CNTNAP2: variants seen among roughly 807,000 people sequenced by gnomAD.
The protein encoded by CNTNAP2 is contactin associated protein 2, also known as contactin-associated protein-like 2.
In CNTNAP2, 98 loss-of-function variants were observed where a neutral mutation model predicts 155.2. That is an observed-to-expected ratio of 0.63 (90% CI 0.54 to 0.75). The LOEUF is 0.75. Among genes scored for constraint, CNTNAP2 ranks in the 30% least tolerant of loss-of-function variants. CNTNAP2 has a pLI of 0.00. For synonymous variants in CNTNAP2, 651 were observed against 631.2 expected, an observed-to-expected ratio of 1.03 and a Z score of -0.47; for missense variants, 1,727 against 1,688.1, an observed-to-expected ratio of 1.02 and a Z score of -0.40.
chr7:148,145,330 T>A (rs1805157236), intron 16 of CNTNAP2, among the ~76,000 whole-genome samples: 1 of 152,130 alleles, frequency 6.6e-6, no homozygotes, highest in East Asian at 1.9e-4. Context: ...AAATAGGGGA[T>A]CTATTGGGAC....
intron 9 of CNTNAP2, among the ~76,000 whole-genome samples, chr7:147,304,438 A>G (rs1471603958): frequency 6.6e-6 from 1 of 152,228 alleles, no homozygotes; most frequent in African/African-American, 2.4e-5. Context: ...GCCGGAATCC[A>G]TGGCTATGAG....
intron 1 of CNTNAP2, among the ~76,000 whole-genome samples, chr7:146,682,985 A>G (rs1800531188): frequency 6.6e-6 from 1 of 151,966 alleles, no homozygotes; most frequent in Non-Finnish European, 1.5e-5. Context: ...CCTCACATTA[A>G]TCTCTCTCTA....
intron 3 of CNTNAP2, among the ~76,000 whole-genome samples, chr7:146,965,592 G>A (rs766161427): frequency 5.3e-5 from 8 of 151,970 alleles, no homozygotes; most frequent in Non-Finnish European, 5.9e-5. Flanking sequence ...GCAGAAGTTG[G>A]ATGGTTTTGA....
At chr7:146,810,143 G>C (rs1803037414) in intron 2 of CNTNAP2, among the ~76,000 whole-genome samples, 1 of 152,180 alleles carries the variant, frequency 6.6e-6, no homozygotes, top group Middle Eastern at 3.4e-3. Flanking sequence ...CATTATCAAA[G>C]AGTAGTTGAT....
chr7:148,414,778 T>G (rs982283962), intron 23 of CNTNAP2: 4 of 155,570 alleles, frequency 2.6e-5, no homozygotes, highest in African/African-American at 9.6e-5. Context: ...ATCAACTGTA[T>G]TAAATGCTCT....
chr7:147,082,538 AC>A (rs1189117041), intron 4 of CNTNAP2: 1 of 152,118 alleles, frequency 6.6e-6, no homozygotes, highest in African/African-American at 2.4e-5. Flanking sequence ...AGTAAAGCTC[AC>A]CTTGCGCTTT....
At chr7:148,079,457 G>C (rs376601869) in intron 15 of CNTNAP2, among the ~76,000 whole-genome samples, 51 of 152,244 alleles carry the variant, frequency 3.3e-4, no homozygotes, top group African/African-American at 1.2e-3. Flanking sequence ...AGAGACCAAG[G>C]CTCTTATTAT....
intron 1 of CNTNAP2, among the ~76,000 whole-genome samples, chr7:146,762,498 C>CTG (rs1161918074): frequency 6.6e-6 from 1 of 152,110 alleles, no homozygotes; most frequent in Non-Finnish European, 1.5e-5. Flanking sequence ...ACTTGGGAGG[C>CTG]TGAGGCAGGA....
At chr7:147,894,454 G>A (rs1799743747) in intron 13 of CNTNAP2, among the ~76,000 whole-genome samples, 1 of 152,106 alleles carries the variant, frequency 6.6e-6, no homozygotes, top group African/African-American at 2.4e-5. Context: ...CTGCCAATGA[G>A]CTGCCGGCAG....
chr7:147,664,877 T>C (rs1158929383), intron 13 of CNTNAP2, among the ~76,000 whole-genome samples: 1 of 152,194 alleles, frequency 6.6e-6, no homozygotes, highest in African/African-American at 2.4e-5. Flanking sequence ...ATCAATACAC[T>C]GCAATGCCCT....
chr7:147,960,828 TTC>T (rs139772949), intron 14 of CNTNAP2, among the ~76,000 whole-genome samples: 1 of 151,424 alleles, frequency 6.6e-6, no homozygotes, highest in African/African-American at 2.4e-5. Flanking sequence ...CTCTCCCTCC[TTC>T]TCTCTCTCTG....
chr7:146,257,386 T>C (rs1405113), intron 1 of CNTNAP2, among the ~76,000 whole-genome samples: 6,305 of 152,242 alleles, frequency 0.041, 399 homozygotes, highest in African/African-American at 0.14. Context: ...TGTTTCCCTT[T>C]CTGTGTCAGT....
At chr7:148,155,258 T>C (rs1805376755) in intron 17 of CNTNAP2, among the ~76,000 whole-genome samples, 1 of 152,204 alleles carries the variant, frequency 6.6e-6, no homozygotes. Context: ...GCTTTAATCA[T>C]TCCTCTTGTC....
intron 3 of CNTNAP2, among the ~76,000 whole-genome samples, chr7:146,882,731 G>T (rs1485753561): frequency 1.3e-5 from 2 of 152,128 alleles, no homozygotes; most frequent in African/African-American, 4.8e-5. Flanking sequence ...TGGTAGGTCA[G>T]CTCCTAGTGC....
At chr7:146,883,632 C>T (rs1795597802) in intron 3 of CNTNAP2, among the ~76,000 whole-genome samples, 1 of 152,110 alleles carries the variant, frequency 6.6e-6, no homozygotes, top group Non-Finnish European at 1.5e-5. Context: ...TGCATAAGTA[C>T]ATACAGCCAA....
chr7:146,603,060 T>C (rs1402470413), intron 1 of CNTNAP2, among the ~76,000 whole-genome samples: 2 of 151,564 alleles, frequency 1.3e-5, no homozygotes, highest in African/African-American at 4.8e-5. Flanking sequence ...GGCTCTGCAC[T>C]TACAGAAATG....
At chr7:147,853,366 A>T (rs1798983774) in intron 13 of CNTNAP2, among the ~76,000 whole-genome samples, 1 of 152,222 alleles carries the variant, frequency 6.6e-6, no homozygotes, top group Non-Finnish European at 1.5e-5. Flanking sequence ...GATTTAAAGC[A>T]TAGAGACAAC....
At chr7:147,567,795 A>T (rs1489101287) in intron 12 of CNTNAP2, among the ~76,000 whole-genome samples, 1 of 152,170 alleles carries the variant, frequency 6.6e-6, no homozygotes. Flanking sequence ...CATTAAAAAA[A>T]AAATCTTTGG....
At chr7:147,495,575 A>C (rs532383200) in intron 11 of CNTNAP2, among the ~76,000 whole-genome samples, 1 of 152,192 alleles carries the variant, frequency 6.6e-6, no homozygotes, top group South Asian at 2.1e-4. Flanking sequence ...TATGTAGTCA[A>C]TTCTCAACAG....
Sources: allele counts gnomAD v4.1 joint callset (sites outside exome capture counted in the v4.1 genomes callset), GRCh38; gene constraint gnomAD v4.1.1; transcripts MANE v1.5; gene names NCBI Gene and HGNC (gene_info 2026-07-23, HGNC 2026-07-21).